GDAP1: variants seen among roughly 807,000 people sequenced by gnomAD.
GDAP1 encodes ganglioside-induced differentiation-associated protein 1.
A neutral mutation model predicts 40.1 loss-of-function variants in GDAP1; 34 were observed. That is an observed-to-expected ratio of 0.85 (90% CI 0.64 to 1.13). GDAP1 has a LOEUF of 1.13. Among genes scored for constraint, GDAP1 ranks in the 50% most tolerant of loss-of-function variants. The pLI is 0.00. For synonymous variants in GDAP1, 170 were observed against 157.4 expected (o/e 1.08, Z -0.60); for missense variants, 374 against 433.7 (o/e 0.86, Z 1.22).
intron 2 of GDAP1, 26 bp downstream of exon 2, chr8:74,351,492 C>G: frequency 6.7e-7 from 1 of 1,484,874 alleles, no homozygotes; most frequent in Non-Finnish European, 9.4e-7. Flanking sequence ...CTTGCGATTT[C>G]TTGGATTTAC....
intron 2 of GDAP1, among the ~76,000 whole-genome samples, chr8:74,386,859 C>T (rs10113141): frequency 1 from 152,214 of 152,328 alleles, 76,051 homozygotes; most frequent in Non-Finnish European, 1. Flanking sequence ...TCTTATTTCC[C>T]TGAGCAGTGG....
chr8:74,439,366 CT>C (rs1391022501), intron 2 of GDAP1, among the ~76,000 whole-genome samples: 1 of 152,008 alleles, frequency 6.6e-6, no homozygotes, highest in African/African-American at 2.4e-5. Context: ...TATAATTCAT[CT>C]TTTCCCTACT....
intron 2 of GDAP1, among the ~76,000 whole-genome samples, chr8:74,407,361 C>T (rs957720993): frequency 1.3e-5 from 2 of 149,724 alleles, no homozygotes; most frequent in South Asian, 2.1e-4. Flanking sequence ...CATTTGAGTC[C>T]GTTTACTGAG....
downstream of GDAP1, among the ~76,000 whole-genome samples, chr8:74,368,712 A>T (rs527336254): frequency 9.2e-4 from 140 of 152,308 alleles, no homozygotes; most frequent in African/African-American, 3.2e-3. Flanking sequence ...TCCCCTAGTC[A>T]GGAGTAAGGA....
At chr8:74,356,000 C>T (rs62524066) in intron 2 of GDAP1, among the ~76,000 whole-genome samples, 44,787 of 151,644 alleles carry the variant, frequency 0.3, 6,859 homozygotes, top group Non-Finnish European at 0.34. Context: ...TAAAAAAGAA[C>T]GTTAATTCTG....
intron 2 of GDAP1, among the ~76,000 whole-genome samples, chr8:74,413,485 A>G (rs1024568198): frequency 4.0e-5 from 6 of 149,804 alleles, no homozygotes; most frequent in Admixed American, 3.3e-4. Flanking sequence ...CTAGTTATGT[A>G]TATGTATTTT....
At chr8:74,449,227 T>G (rs1346118359) in intron 2 of GDAP1, among the ~76,000 whole-genome samples, 1 of 152,002 alleles carries the variant, frequency 6.6e-6, no homozygotes, top group African/African-American at 2.4e-5. Context: ...TGATCCTAAT[T>G]CACCGTGTTG....
At chr8:74,440,324 A>G (rs551091923) in intron 2 of GDAP1, among the ~76,000 whole-genome samples, 3 of 152,304 alleles carry the variant, frequency 2.0e-5, no homozygotes, top group African/African-American at 7.2e-5. Flanking sequence ...AAATTTTAAT[A>G]GAAGCTCTTT....
intron 2 of GDAP1, among the ~76,000 whole-genome samples, chr8:74,487,559 G>A (rs941086661): frequency 7.9e-5 from 12 of 152,130 alleles, no homozygotes; most frequent in African/African-American, 2.9e-4. Context: ...AATACTCACT[G>A]AAAATGATGG....
At position 74,351,956 on chromosome 8, in the gene GDAP1, A is replaced by T. The variant is rs181540219; in HGVS notation, c.310+490A>T. On this transcript the variant is annotated intron_variant, in intron 2 of 5. Coordinates refer to ENST00000220822, the MANE Select transcript of GDAP1 (RefSeq NM_018972.4). ...AATTTTATATCTTTACTAAGGAATT[A>T]TAGGGCTTAAATTTGTATAGTGCAT... 2.0e-5 allele frequency among the ~76,000 whole-genome samples: 3 copies of T among 152,358 alleles called. No homozygotes were observed. The East Asian group carries it at 5.8e-4, about 29-fold the overall frequency.
chr8:74,427,948 C>T (rs1805969135), intron 2 of GDAP1, among the ~76,000 whole-genome samples: 1 of 152,188 alleles, frequency 6.6e-6, no homozygotes, highest in African/African-American at 2.4e-5. Flanking sequence ...CTATCCTTGA[C>T]AATATCCAAG....
At chr8:74,358,756 G>A (rs1328586916) in intron 2 of GDAP1, among the ~76,000 whole-genome samples, 1 of 152,176 alleles carries the variant, frequency 6.6e-6, no homozygotes, top group South Asian at 2.1e-4. Context: ...TGTGAGAACT[G>A]TTGCGCTTAG....
intron 2 of GDAP1, among the ~76,000 whole-genome samples, chr8:74,433,036 A>T (rs1036452198): frequency 6.6e-6 from 1 of 152,018 alleles, no homozygotes; most frequent in Non-Finnish European, 1.5e-5. Flanking sequence ...TCTTCAGTAA[A>T]CTCAGCTTTC....
chr8:74,364,324 G>C lies in GDAP1; in HGVS notation c.1034G>C (p.Gly345Ala). 2 of 1,614,038 alleles carry C rather than the reference G, an allele frequency of 1.2e-6. No individual in the cohort carries two copies. The highest frequency in any genetic ancestry group is 1.7e-6 in the Non-Finnish European group (2 of 1,179,938). The part of the protein sequence containing the change: ...FAFMLFRKRL[G>A]SMILAFRPRP... ...TTTATGCTTTTCAGAAAGAGGCTTGGCAGCATGATATTAGCATTTAGACCC... is the reference window on the plus strand; with the variant it reads ...TTTATGCTTTTCAGAAAGAGGCTTGCCAGCATGATATTAGCATTTAGACCC... The change falls in exon 6 of 6, where the codon GGC becomes GCC. Residue 345 changes from glycine to alanine, a missense_variant. Gly to Ala is a moderately conservative substitution (Grantham distance 60). Transcript: ENST00000220822.
At chr8:74,396,001 A>G (rs1810192348) in intron 2 of GDAP1, among the ~76,000 whole-genome samples, 1 of 152,184 alleles carries the variant, frequency 6.6e-6, no homozygotes. Flanking sequence ...AGTGTCTCAC[A>G]TGTGTAGTAA....
At chr8:74,390,059 C>T (rs1810083824) in intron 2 of GDAP1, among the ~76,000 whole-genome samples, 1 of 152,128 alleles carries the variant, frequency 6.6e-6, no homozygotes, top group South Asian at 2.1e-4. Context: ...TCTAAACTGG[C>T]TATTCTAGTT....
At chr8:74,399,958 C>T (rs1810293602) in intron 2 of GDAP1, among the ~76,000 whole-genome samples, 1 of 142,190 alleles carries the variant, frequency 7.0e-6, no homozygotes, top group Non-Finnish European at 1.5e-5. Context: ...CTGAGGAGAG[C>T]TTTACTTCCA....
chr8:74,396,897 T>A (rs962709976), intron 2 of GDAP1, among the ~76,000 whole-genome samples: 11 of 152,370 alleles, frequency 7.2e-5, no homozygotes, highest in African/African-American at 2.6e-4. Context: ...GGTCAAATTG[T>A]ATTTCCAGTT....
chr8:74,407,683 T>C (rs947139842), intron 2 of GDAP1, among the ~76,000 whole-genome samples: 1 of 140,656 alleles, frequency 7.1e-6, no homozygotes, highest in African/African-American at 2.8e-5. Context: ...CTATTAGTTC[T>C]GTCCCTCTAG....
Sources: allele counts gnomAD v4.1 joint callset (sites outside exome capture counted in the v4.1 genomes callset), GRCh38; gene constraint gnomAD v4.1.1; transcripts MANE v1.5; gene names NCBI Gene and HGNC (gene_info 2026-07-23, HGNC 2026-07-21).